ZNF91: variants seen among roughly 807,000 people sequenced by gnomAD.
ZNF91 encodes the protein zinc finger protein 91 (HPF7, HTF10).
ZNF91 carries 7 observed loss-of-function variants against 12.6 expected under a neutral mutation model. The ratio of observed to expected loss-of-function variants is 0.55; its 90% CI spans 0.31 to 1.04. The LOEUF (loss-of-function observed/expected upper bound fraction) is 1.04, where lower values mean the gene tolerates loss of function less well. Among genes scored for constraint, ZNF91 ranks in the 50% least tolerant of loss-of-function variants. ZNF91 has a pLI of 0.05. For synonymous variants in ZNF91, 453 were observed against 462.6 expected (o/e 0.98, Z 0.27); for missense variants, 1,217 against 1,385.4 (o/e 0.88, Z 1.93).
intron 1 of ZNF91, among the ~76,000 whole-genome samples, chr19:23,391,822 T>A (rs1166472850): frequency 6.6e-6 from 1 of 151,990 alleles, no homozygotes; most frequent in Non-Finnish European, 1.5e-5. Context: ...ACTAAGTGGG[T>A]CTTTAAAAAC....
chr19:23,378,607 A>G (rs374085226), intron 1 of ZNF91, among the ~76,000 whole-genome samples: 1 of 152,366 alleles, frequency 6.6e-6, no homozygotes, highest in Non-Finnish European at 1.5e-5. Context: ...TAGATGATAA[A>G]TAAGTATTCT....
At chr19:23,334,754 T>C (rs1015637458), downstream of ZNF91, among the ~76,000 whole-genome samples, 49 of 152,158 alleles carry the variant, frequency 3.2e-4, no homozygotes, top group African/African-American at 1.1e-3. Flanking sequence ...TAAAATAATT[T>C]TGAACAAATG....
At chr19:23,356,171 T>A (rs895451299), downstream of ZNF91, among the ~76,000 whole-genome samples, 1 of 152,124 alleles carries the variant, frequency 6.6e-6, no homozygotes, top group Non-Finnish European at 1.5e-5. Context: ...CTACTGAGTA[T>A]CTACCCAGAG....
chr19:23,341,735 A>G (rs1188230506), intron 3 of ZNF91, among the ~76,000 whole-genome samples: 1 of 152,184 alleles, frequency 6.6e-6, no homozygotes, highest in Non-Finnish European at 1.5e-5. Flanking sequence ...GAGAAGTAAC[A>G]TCTGTCATTC....
rs1378015781 is a variant in ZNF91, at chr19:23,395,403, G to T, written c.-49C>A. ...TGCAGGTCACAGGGCCACACAGGCT[G>T]GGCCTCCTGGAGCAGAGGACACAGA... is the stretch of plus-strand genomic sequence containing the variant. On this transcript the variant is annotated 5_prime_UTR_variant, in exon 1 of 4. Coordinates refer to ENST00000300619, the MANE Select transcript of ZNF91 (RefSeq NM_003430.4). 2.5e-6 allele frequency: 4 copies of T among 1,608,470 alleles called. No homozygotes were observed. Among genetic ancestry groups the T allele is most frequent in the Non-Finnish European group, 3.4e-6 (4 of 1,177,112 alleles).
intron 1 of ZNF91, among the ~76,000 whole-genome samples, chr19:23,395,081 C>T (rs1970187898): frequency 6.6e-6 from 1 of 152,068 alleles, no homozygotes; most frequent in South Asian, 2.1e-4. Flanking sequence ...GCAGAGCTGC[C>T]CAGAGAGGGC....
exon 4 of ZNF91, chr19:23,338,890 GAAAATACA>G (rs941772051): frequency 5.3e-5 from 8 of 151,780 alleles, no homozygotes; most frequent in Non-Finnish European, 1.2e-4. Flanking sequence ...CGTCTCTTCT[GAAAATACA>G]AAAATTAGCT....
intron 1 of ZNF91, among the ~76,000 whole-genome samples, chr19:23,376,236 AACAGCC>A (rs2145103908): frequency 6.6e-6 from 1 of 152,322 alleles, no homozygotes; most frequent in African/African-American, 2.4e-5. Context: ...TTCCATGTTC[AACAGCC>A]ACAAAGAGAA....
At chr19:23,366,670 G>C (rs1969027660) in intron 3 of ZNF91, among the ~76,000 whole-genome samples, 1 of 152,232 alleles carries the variant, frequency 6.6e-6, no homozygotes, top group African/African-American at 2.4e-5. Flanking sequence ...GACAGAGCAA[G>C]TACGAGGTGA....
intron 3 of ZNF91, among the ~76,000 whole-genome samples, chr19:23,368,906 A>T (rs1413884682): frequency 6.6e-6 from 1 of 152,176 alleles, no homozygotes; most frequent in Non-Finnish European, 1.5e-5. Context: ...AAAATTACTA[A>T]TTTGTAGAGA....
chr19:23,375,881 T>C (rs2145102909), intron 1 of ZNF91, among the ~76,000 whole-genome samples: 1 of 152,346 alleles, frequency 6.6e-6, no homozygotes, highest in East Asian at 1.9e-4. Flanking sequence ...GACAAGTTTC[T>C]ATAGTATGCT....
chr19:23,311,877 T>C (rs1386913438), upstream of ZNF91, among the ~76,000 whole-genome samples: 4 of 151,318 alleles, frequency 2.6e-5, no homozygotes, highest in Admixed American at 2.6e-4. Flanking sequence ...GTATTTCAAA[T>C]TTTGTCTTCT....
intron 3 of ZNF91, among the ~76,000 whole-genome samples, chr19:23,372,399 T>C (rs1422619432): frequency 2.6e-5 from 4 of 152,126 alleles, no homozygotes; most frequent in African/African-American, 9.7e-5. Context: ...AAGACCTGCC[T>C]GGGTTATGTT....
Position 23,390,835 on chromosome 19 carries a change from C to G in ZNF91, c.30+4490G>C, listed in dbSNP as rs182107139. On this transcript the variant is annotated intron_variant, in intron 1 of 3. Coordinates refer to ENST00000300619, the MANE Select transcript of ZNF91 (RefSeq NM_003430.4). ...TCAGGCAATCCACCTGCCTTGGCCTCTCAAAGTGCTGGGATTACAGGCATG... is the reference window on the plus strand; with the variant it reads ...TCAGGCAATCCACCTGCCTTGGCCTGTCAAAGTGCTGGGATTACAGGCATG... 2.3e-3 allele frequency among the ~76,000 whole-genome samples: 358 copies of G among 152,368 alleles called. 1 individual carries two copies. Among genetic ancestry groups the G allele is most frequent in the African/African-American group, 7.0e-3 (290 of 41,596 alleles).
intron 3 of ZNF91, among the ~76,000 whole-genome samples, chr19:23,349,685 C>T (rs924410095): frequency 5.3e-5 from 8 of 152,028 alleles, no homozygotes; most frequent in African/African-American, 1.7e-4. Context: ...CACTGTGATA[C>T]GCAGCATGCC....
Position 23,359,458 on chromosome 19 carries a change from C to T in ZNF91, c.3521G>A (p.Arg1174Gln), listed in dbSNP as rs752579337. The change falls in exon 4 of 4, where the codon CGA becomes CAA. Residue 1174 changes from arginine (R) to glutamine (Q), a missense_variant. Arg to Gln is a conservative substitution (Grantham distance 43). Coordinates refer to ENST00000300619, the MANE Select transcript of ZNF91 (RefSeq NM_003430.4). ...LLWEAEAGGS[R>Q]GQEMETILAN... ...CAGGATGGTCTCCATCTCCTGACCT[C>T]GTGATCCGCCCGCCTCGGCCTCCCA... 1.0e-5 allele frequency: 16 copies of T among 1,544,852 alleles called. No individual in the cohort carries two copies. The highest frequency in any genetic ancestry group is 8.5e-5 in the Admixed American group (5 of 58,858).
At chr19:23,367,305 C>G (rs1429104780) in intron 3 of ZNF91, among the ~76,000 whole-genome samples, 1 of 152,002 alleles carries the variant, frequency 6.6e-6, no homozygotes, top group Non-Finnish European at 1.5e-5. Flanking sequence ...ACAAAAACAA[C>G]AAACACAAAA....
chr19:23,362,165 C>T lies in ZNF91; in HGVS notation c.814G>A (p.Gly272Ser). Residue 272 changes from glycine to serine, a missense_variant, in exon 4 of 4, where the codon GGC (glycine) becomes AGC (serine). Coordinates refer to ENST00000300619, the MANE Select transcript of ZNF91 (RefSeq NM_003430.4). ...KEKIYKCEEC[G>S]KAFLWSSTLT... The stretch of plus-strand genomic sequence containing the variant: ...GTTGAGGACCATAGAAATGCTTTGC[C>T]ACATTCTTCACACTTGTAGATTTTC... 6.2e-7 allele frequency: 1 copy of T among 1,613,114 alleles called. No individual in the cohort carries two copies. The highest frequency in any genetic ancestry group is 1.1e-5 in the South Asian group (1 of 90,960).
intron 3 of ZNF91, among the ~76,000 whole-genome samples, chr19:23,346,470 A>C (rs1358918259): frequency 6.6e-6 from 1 of 152,134 alleles, no homozygotes; most frequent in South Asian, 2.1e-4. Context: ...ATAAAGCGGT[A>C]AACTATGAAA....
Sources: gnomAD v4.1 joint callset for allele counts (sites outside exome capture counted in the v4.1 genomes callset) on GRCh38, gnomAD v4.1.1 for gene constraint, MANE v1.5 for transcripts, NCBI Gene and HGNC (gene_info 2026-07-23, HGNC 2026-07-21) for gene names.